Variants in XRN2 observed in about 807,000 individuals in gnomAD.
XRN2 encodes 5'-3' exoribonuclease 2.
In XRN2, 44 loss-of-function variants were observed where a neutral mutation model predicts 138.5. The ratio of observed to expected loss-of-function variants is 0.32; its 90% CI spans 0.25 to 0.41. The LOEUF (loss-of-function observed/expected upper bound fraction) is 0.41. XRN2 is among the 10% of genes least tolerant of loss of function. The pLI is 1.00. For missense variants in XRN2, 937 were observed against 1,169.3 expected (o/e 0.80, Z 2.90); for synonymous variants, 354 against 369.4 (o/e 0.96, Z 0.48).
At chr20:21,318,659 A>G (rs2037994702) in intron 1 of XRN2, among the ~76,000 whole-genome samples, 1 of 151,868 alleles carries the variant, frequency 6.6e-6, no homozygotes, top group East Asian at 1.9e-4. Context: ...CTTCATTTGT[A>G]TTGATCCCAA....
intron 20 of XRN2, among the ~76,000 whole-genome samples, chr20:21,350,962 AG>A (rs1381510701): frequency 6.6e-6 from 1 of 152,106 alleles, no homozygotes; most frequent in African/African-American, 2.4e-5. Flanking sequence ...TGCTTTGTGG[AG>A]GATGTCTTGA....
At chr20:21,332,514 T>C in intron 9 of XRN2, 74 bp downstream of exon 9, 2 of 1,399,950 alleles carry the variant, frequency 1.4e-6, no homozygotes. Flanking sequence ...TGACATAAAA[T>C]ATCATTTCAA....
chr20:21,353,806 A>AC (rs1330534956), intron 20 of XRN2, among the ~76,000 whole-genome samples: 1 of 151,576 alleles, frequency 6.6e-6, no homozygotes, highest in Admixed American at 6.6e-5. Context: ...AAAAAAAAAA[A>AC]AAAACAACTG....
chr20:21,342,662 G>A (rs1420390276), intron 15 of XRN2, among the ~76,000 whole-genome samples: 1 of 152,196 alleles, frequency 6.6e-6, no homozygotes, highest in Non-Finnish European at 1.5e-5. Flanking sequence ...TTACTGAATG[G>A]TTAACTACCA....
intron 15 of XRN2, among the ~76,000 whole-genome samples, chr20:21,343,762 C>A (rs2038401454): frequency 6.6e-6 from 1 of 151,416 alleles, no homozygotes; most frequent in Non-Finnish European, 1.5e-5. Flanking sequence ...TTGTGAACCA[C>A]CAAAGGAAAA....
At chr20:21,363,747 A>G (rs1256980139) in intron 24 of XRN2, among the ~76,000 whole-genome samples, 1 of 152,244 alleles carries the variant, frequency 6.6e-6, no homozygotes, top group African/African-American at 2.4e-5. Flanking sequence ...AACCAGGTCA[A>G]TAAAACTTTT....
intron 27 of XRN2, among the ~76,000 whole-genome samples, chr20:21,373,872 G>A (rs2038789689): frequency 6.6e-6 from 1 of 152,176 alleles, no homozygotes; most frequent in African/African-American, 2.4e-5. Context: ...GGTTATGAGA[G>A]TAGTTTTATA....
At chr20:21,318,167 A>G (rs988423780) in intron 1 of XRN2, among the ~76,000 whole-genome samples, 4 of 152,094 alleles carry the variant, frequency 2.6e-5, no homozygotes, top group Non-Finnish European at 5.9e-5. Context: ...TCTTTCTAGT[A>G]ATTTGTCCAT....
intron 15 of XRN2, among the ~76,000 whole-genome samples, chr20:21,342,832 T>C (rs1408633565): frequency 2.0e-5 from 3 of 152,152 alleles, no homozygotes; most frequent in Non-Finnish European, 4.4e-5. Flanking sequence ...CCAGTAAAGG[T>C]TGAATTTGGT....
At position 21,386,992 on chromosome 20, in the gene XRN2, C is replaced by A; in HGVS notation, c.2773C>A (p.Arg925Ser). The change falls in exon 29 of 30, where the codon CGT becomes AGT. Residue 925 changes from arginine to serine, a missense_variant. Around this residue, in one of 6 missense-constraint regions of XRN2, gnomAD observed 372 missense variants for 414.4 expected, o/e 0.90. Coordinates refer to ENST00000377191, the MANE Select transcript of XRN2 (RefSeq NM_012255.5). ...PGGYPPRRDD[R>S]GGRQGYPREG... ...TGGGTATCCACCCAGACGAGATGATCGTGGAGGGAGACAGGTAAATGGTTG... is the reference window on the plus strand; with the variant it reads ...TGGGTATCCACCCAGACGAGATGATAGTGGAGGGAGACAGGTAAATGGTTG... The A allele has an allele frequency of 1.9e-6, 3 of 1,608,906 alleles. No homozygotes were observed. The highest frequency in any genetic ancestry group is 2.6e-6 in the Non-Finnish European group (3 of 1,175,666).
chr20:21,385,837 T>A (rs1393190540), intron 28 of XRN2, among the ~76,000 whole-genome samples: 1 of 152,194 alleles, frequency 6.6e-6, no homozygotes, highest in Non-Finnish European at 1.5e-5. Context: ...TATAACTGAT[T>A]ACCAGCTAGT....
At chr20:21,333,068 A>T (rs1032529573) in intron 9 of XRN2, among the ~76,000 whole-genome samples, 39 of 152,188 alleles carry the variant, frequency 2.6e-4, no homozygotes, top group African/African-American at 9.2e-4. Context: ...TTAAGTGAAA[A>T]AAGAGATAAA....
chr20:21,367,069 A>T (rs2122314838), intron 26 of XRN2, among the ~76,000 whole-genome samples: 1 of 152,262 alleles, frequency 6.6e-6, no homozygotes, highest in Non-Finnish European at 1.5e-5. Flanking sequence ...TTGTTTGCCC[A>T]GTGCTTGAAC....
chr20:21,349,571 C>T (rs1471203163), intron 20 of XRN2, 110 bp downstream of exon 20: 2 of 937,720 alleles, frequency 2.1e-6, no homozygotes, highest in Non-Finnish European at 3.3e-6. Context: ...GGTGAAATCT[C>T]ATTTCTACAA....
At chr20:21,372,790 C>A (rs1308012211) in intron 27 of XRN2, among the ~76,000 whole-genome samples, 1 of 151,076 alleles carries the variant, frequency 6.6e-6, no homozygotes, top group East Asian at 2.0e-4. Flanking sequence ...CCTCAGAAGC[C>A]CCCCATTGTG....
At chr20:21,352,753 TC>T (rs1046722269) in intron 20 of XRN2, among the ~76,000 whole-genome samples, 2 of 152,188 alleles carry the variant, frequency 1.3e-5, no homozygotes, top group African/African-American at 4.8e-5. Context: ...AGTAATTCCA[TC>T]AAGTCACACA....
chr20:21,354,768 C>T, intron 20 of XRN2, 21 bp from the exon 21 acceptor site: 1 of 1,612,178 alleles, frequency 6.2e-7, no homozygotes, highest in Non-Finnish European at 8.5e-7. Context: ...AGGGGTGGTT[C>T]ATTTGCACTT....
chr20:21,345,230 A>T lies in XRN2; in HGVS notation c.1529+1022A>T, dbSNP rs184231765. Among the ~76,000 whole-genome samples, 6 of 152,112 alleles carry T rather than the reference A, an allele frequency of 3.9e-5. No homozygotes were observed. In the East Asian group the frequency reaches 9.7e-4, roughly 24 times the overall value. On this transcript the variant is annotated intron_variant, in intron 16 of 29. Coordinates refer to ENST00000377191, the MANE Select transcript of XRN2 (RefSeq NM_012255.5). ...CAATACTAGTTTAATAGGTAACTTG[A>T]TTTGTTTAGTATTTTATTGTTTAAT...
Position 21,344,076 on chromosome 20 carries a change from A to G in XRN2, c.1411-14A>G, listed in dbSNP as rs1218455464. ...AATGAAATCCTTCTTCTGTAATGTC[A>G]TCATTGTCTGCAGAGTCCTTCGATA... On this transcript the variant is annotated splice_polypyrimidine_tract_variant and intron_variant, in intron 15 of 29. Transcript: ENST00000377191. 2.5e-6 allele frequency: 4 copies of G among 1,571,402 alleles called. No individual in the cohort carries two copies. The highest frequency in any genetic ancestry group is 1.1e-5 in the South Asian group (1 of 89,864).
Sources: gnomAD v4.1 joint callset for allele counts (sites outside exome capture counted in the v4.1 genomes callset) on GRCh38, gnomAD v4.1.1 for gene constraint, gnomAD v4.1.1 regional missense constraint, MANE v1.5 for transcripts, NCBI Gene and HGNC (gene_info 2026-07-23, HGNC 2026-07-21) for gene names.